The following MRRF variants were observed in gnomAD, a reference collection of about 807,000 sequenced individuals.
The protein encoded by MRRF is mitochondrial ribosome recycling factor.
A neutral mutation model predicts 25.1 loss-of-function variants in MRRF; 18 were observed. The observed-to-expected ratio is 0.72, with a 90% CI of 0.50 to 1.06. MRRF has a LOEUF of 1.06. Ranked by LOEUF, MRRF falls within the 50% of genes least tolerant of loss-of-function variation. The pLI is 0.00. For synonymous variants in MRRF, 113 were observed against 112.1 expected (o/e 1.01, Z -0.05); for missense variants, 323 against 319.3 (o/e 1.01, Z -0.09).
At chr9:122,267,967 C>T (rs1313506143) in intron 1 of MRRF, among the ~76,000 whole-genome samples, 1 of 152,210 alleles carries the variant, frequency 6.6e-6, no homozygotes, top group Non-Finnish European at 1.5e-5. Flanking sequence ...ATTCCAGTTC[C>T]AGACTGCGTC....
intron 5 of MRRF, among the ~76,000 whole-genome samples, chr9:122,311,226 T>G (rs577983390): frequency 3.0e-4 from 46 of 152,322 alleles, no homozygotes; most frequent in African/African-American, 1.0e-3. Flanking sequence ...GCCATCACCC[T>G]AACTGCTTCT....
intron 1 of MRRF, chr9:122,265,385 C>T (rs564435968): frequency 1.8e-4 from 43 of 237,454 alleles, no homozygotes; most frequent in Non-Finnish European, 3.0e-4. Flanking sequence ...CACCCAGTGG[C>T]AAAACAGTTG....
chr9:122,265,959 C>G (rs1832054308), intron 1 of MRRF, among the ~76,000 whole-genome samples: 1 of 152,242 alleles, frequency 6.6e-6, no homozygotes, highest in Admixed American at 6.5e-5. Context: ...CATCTACTAT[C>G]TCTAAGCAAA....
intron 2 of MRRF, among the ~76,000 whole-genome samples, chr9:122,271,952 G>A (rs1332263950): frequency 6.6e-6 from 1 of 152,066 alleles, no homozygotes; most frequent in African/African-American, 2.4e-5. Flanking sequence ...TCCCCTTTCT[G>A]TAATAGGAAA....
In MRRF at chr9:122,293,746, G is replaced by A. The variant is rs555456496; in HGVS notation, c.551+1906G>A. Reference sequence around the variant, plus strand: ...ATGCGTATGTGCCAGGCTCTGTGCTGGGGATGTATAGACGTGATGTATGCC... The same window carrying A: ...ATGCGTATGTGCCAGGCTCTGTGCTAGGGATGTATAGACGTGATGTATGCC... On this transcript the variant is annotated intron_variant, in intron 5 of 6. Transcript: ENST00000344641. Among the ~76,000 whole-genome samples, 6 of 152,266 alleles carry A rather than the reference G, an allele frequency of 3.9e-5. No individual in the cohort carries two copies. In the East Asian group the frequency reaches 1.2e-3, roughly 29 times the overall value.
intron 3 of MRRF, among the ~76,000 whole-genome samples, chr9:122,283,510 G>A (rs921530824): frequency 6.6e-6 from 1 of 152,198 alleles, no homozygotes; most frequent in African/African-American, 2.4e-5. Flanking sequence ...TTTGAACTCA[G>A]GTAATTGGTC....
At chr9:122,269,896 A>G (rs1408761900) in intron 1 of MRRF, among the ~76,000 whole-genome samples, 1 of 152,174 alleles carries the variant, frequency 6.6e-6, no homozygotes, top group Admixed American at 6.5e-5. Context: ...AATTATTCCC[A>G]TTTTATAGTT....
chr9:122,269,001 TA>T (rs1160695299), intron 1 of MRRF, among the ~76,000 whole-genome samples: 7 of 151,672 alleles, frequency 4.6e-5, no homozygotes, highest in Non-Finnish European at 8.8e-5. Context: ...CCGTCTCTAC[TA>T]AAAAATACAA....
chr9:122,266,114 C>T (rs1832066061), intron 1 of MRRF, among the ~76,000 whole-genome samples: 1 of 152,224 alleles, frequency 6.6e-6, no homozygotes, highest in Admixed American at 6.5e-5. Context: ...TCATCACATT[C>T]ACAGTGTCTT....
rs1397215483 is a variant in MRRF at position 122,291,792 on chromosome 9, A to C, written c.503A>C (p.Asn168Thr). Residue 168 changes from asparagine to threonine, a missense_variant, in exon 5 of 7, where the codon AAT (asparagine) becomes ACT (threonine). Physicochemically the swap from Asn to Thr is moderately conservative, Grantham distance 65. Coordinates refer to ENST00000344641, the MANE Select transcript of MRRF (RefSeq NM_138777.5). ...AIKAIRESGM[N>T]LNPEVEGTLI... The stretch of plus-strand genomic sequence containing the variant: ...AAGGCTATAAGAGAAAGTGGAATGA[A>C]TCTGAACCCAGAAGTGGAAGGGACG... 2 of 1,613,938 alleles carry C rather than the reference A, an allele frequency of 1.2e-6. No individual in the cohort carries two copies. The highest frequency in any genetic ancestry group is 1.3e-5 in the African/African-American group (1 of 74,946).
intron 1 of MRRF, among the ~76,000 whole-genome samples, chr9:122,269,095 G>A (rs1230535759): frequency 1.3e-5 from 2 of 151,782 alleles, no homozygotes; most frequent in African/African-American, 4.8e-5. Context: ...GTACCCGGGA[G>A]GCGGAGCTTG....
intron 6 of MRRF, among the ~76,000 whole-genome samples, chr9:122,322,232 G>A (rs1226616627): frequency 2.0e-5 from 3 of 151,948 alleles, no homozygotes; most frequent in Admixed American, 6.6e-5. Flanking sequence ...GCGCGGTGGC[G>A]GGCACCTGTA....
chr9:122,288,246 AT>A (rs1169382057), intron 4 of MRRF, among the ~76,000 whole-genome samples: 1 of 149,534 alleles, frequency 6.7e-6, no homozygotes, highest in African/African-American at 2.4e-5. Context: ...ATGAAAAAAA[AT>A]AAAAATAAAA....
chr9:122,292,785 G>C (rs1210341196), intron 5 of MRRF, among the ~76,000 whole-genome samples: 1 of 152,102 alleles, frequency 6.6e-6, no homozygotes, highest in Admixed American at 6.5e-5. Context: ...GACACAAGGG[G>C]AACAGTCAGG....
rs1404336448 is a variant in MRRF, at chr9:122,331,139, CA to C, written c.*8524del. The stretch of plus-strand genomic sequence containing the variant: ...CACTTCTCTGTGGGAAAGGCTTGGG[CA>C]AGTTCTCTGGTTTCCAATGAGGCCA... On this transcript the variant is annotated 3_prime_UTR_variant, in exon 7 of 7. Transcript: ENST00000344641. 1 of 152,166 alleles carries C rather than the reference CA, an allele frequency of 6.6e-6. No individual in the cohort carries two copies. Among genetic ancestry groups the C allele is most frequent in the Non-Finnish European group, 1.5e-5 (1 of 68,040 alleles). 9.4% of individuals were successfully genotyped at this position (152,166 alleles called of 1,614,324 possible).
intron 2 of MRRF, among the ~76,000 whole-genome samples, chr9:122,275,711 C>T (rs921741290): frequency 2.6e-5 from 4 of 152,056 alleles, no homozygotes; most frequent in Admixed American, 2.6e-4. Flanking sequence ...CTGTGTGTGG[C>T]TTATTTTGCT....
At chr9:122,278,455 T>C (rs1305713352) in intron 2 of MRRF, among the ~76,000 whole-genome samples, 2 of 152,198 alleles carry the variant, frequency 1.3e-5, no homozygotes, top group Admixed American at 1.3e-4. Flanking sequence ...CTTTTCAGTT[T>C]ATATTCTCAT....
chr9:122,315,853 A>AATG (rs1835480654), intron 6 of MRRF, among the ~76,000 whole-genome samples: 1 of 152,156 alleles, frequency 6.6e-6, no homozygotes, highest in Non-Finnish European at 1.5e-5. Context: ...AAAGAGGAAG[A>AATG]ATGATCAGAT....
intron 1 of MRRF, among the ~76,000 whole-genome samples, chr9:122,267,268 C>T (rs185851297): frequency 6.6e-6 from 1 of 151,310 alleles, no homozygotes; most frequent in Non-Finnish European, 1.5e-5. Context: ...GTAGTCCCAC[C>T]TACTCAGGAG....
Sources: allele counts gnomAD v4.1 joint callset (sites outside exome capture counted in the v4.1 genomes callset), GRCh38; gene constraint gnomAD v4.1.1; transcripts MANE v1.5; gene names NCBI Gene and HGNC (gene_info 2026-07-23, HGNC 2026-07-21).